DNAH10: variants seen among roughly 807,000 people sequenced by gnomAD.
The protein encoded by DNAH10 is dynein axonemal heavy chain 10, also known as axonemal beta dynein heavy chain 10.
In DNAH10, 348 loss-of-function variants were observed where a neutral mutation model predicts 506.6. The ratio of observed to expected loss-of-function variants is 0.69; its 90% CI spans 0.63 to 0.75. DNAH10 has a LOEUF of 0.75. DNAH10 is among the 30% of genes least tolerant of loss of function. The pLI is 0.00. For synonymous variants in DNAH10, 2,059 were observed against 2,198.6 expected (o/e 0.94, Z 1.78); for missense variants, 5,179 against 5,787.1 (o/e 0.89, Z 3.41).
At chr12:123,908,132 CCTGTCTCT>C (rs1472224381) in intron 57 of DNAH10, among the ~76,000 whole-genome samples, 1 of 146,662 alleles carries the variant, frequency 6.8e-6, no homozygotes. Flanking sequence ...CTGTCTCCTC[CCTGTCTCT>C]CTGTCTCCTC....
Position 123,887,751 on chromosome 12 carries a change from CT to C in DNAH10, c.8995+450del, listed in dbSNP as rs113859601. On this transcript the variant is annotated intron_variant, in intron 52 of 78. Coordinates refer to ENST00000673944, the MANE Select transcript of DNAH10 (RefSeq NM_001372106.1). ...CCCCGTCTTTACAAATTTTTTTTTT[CT>C]TTTTTTTTTTTAGATAGAGTCTCGT... Among the ~76,000 whole-genome samples, 375 of 142,978 alleles carry C rather than the reference CT, an allele frequency of 2.6e-3. 1 individual carries two copies. Among genetic ancestry groups the C allele is most frequent in the African/African-American group, 4.3e-3 (169 of 39,126 alleles). The allele number at this position is 142,978 out of a possible 152,430, so 93.8% of individuals were successfully genotyped here.
intron 37 of DNAH10, among the ~76,000 whole-genome samples, chr12:123,858,293 G>C (rs1951478093): frequency 6.6e-6 from 1 of 152,198 alleles, no homozygotes; most frequent in African/African-American, 2.4e-5. Context: ...CCTGCTGAGA[G>C]TGTAAATGCC....
intron 53 of DNAH10, among the ~76,000 whole-genome samples, chr12:123,894,204 C>T (rs1050148405): frequency 4.0e-5 from 6 of 151,156 alleles, no homozygotes; most frequent in Non-Finnish European, 8.8e-5. Context: ...GAGCCTCTCA[C>T]CTCAGCCTCC....
chr12:123,783,200 G>T lies in DNAH10; in HGVS notation c.935G>T (p.Cys312Phe). ...DPETVDILEQ[C>F]VINWLNQIST... ...GAAACCGTTGACATCTTGGAGCAGT[G>T]TGTGATAAACTGGCTGAATCAGATA... The change falls in exon 7 of 79, where the codon TGT becomes TTT. Residue 312 changes from cysteine (C) to phenylalanine (F), a missense_variant. Around this residue, in one of 3 missense-constraint regions of DNAH10, gnomAD observed 4,844 missense variants for 5,430.5 expected, o/e 0.89. Transcript: ENST00000673944. 6.2e-7 allele frequency: 1 copy of T among 1,614,220 alleles called. No individual in the cohort carries two copies. Among genetic ancestry groups the T allele is most frequent in the Non-Finnish European group, 8.5e-7 (1 of 1,180,042 alleles).
rs747591803 is a variant in DNAH10 at position 123,781,302 on chromosome 12, A to G, written c.841+3A>G. ...AAGAACCATGCAGCAACTTGAAGGT[A>G]AGGTTTCATTTTCCTCCTTTTTAGT... On this transcript the variant is annotated splice_donor_region_variant and intron_variant, in intron 6 of 78. Coordinates refer to ENST00000673944, the MANE Select transcript of DNAH10 (RefSeq NM_001372106.1). 9.3e-6 allele frequency: 15 copies of G among 1,608,050 alleles called. No homozygotes were observed. In the African/African-American group the frequency reaches 1.5e-4, roughly 16 times the overall value.
chr12:123,862,392 CTTCTT>C (rs1566010302), intron 39 of DNAH10, among the ~76,000 whole-genome samples: 1 of 151,880 alleles, frequency 6.6e-6, no homozygotes, highest in Non-Finnish European at 1.5e-5. Context: ...GTTCTTCTTT[CTTCTT>C]TTCTTTTTTT....
chr12:123,825,566 C>T (rs146780533), intron 24 of DNAH10, among the ~76,000 whole-genome samples: 203 of 152,212 alleles, frequency 1.3e-3, no homozygotes, highest in African/African-American at 4.6e-3. Flanking sequence ...TTGTATTATT[C>T]CATTCATAAA....
At chr12:123,878,991 A>T (rs977112490) in intron 48 of DNAH10, among the ~76,000 whole-genome samples, 1 of 152,198 alleles carries the variant, frequency 6.6e-6, no homozygotes, top group Non-Finnish European at 1.5e-5. Context: ...GATGTCAGGT[A>T]CTTATTTTAC....
intron 39 of DNAH10, 71 bp downstream of exon 39, chr12:123,861,241 G>A (rs1028466776): frequency 1.3e-6 from 2 of 1,544,934 alleles, no homozygotes; most frequent in Non-Finnish European, 1.8e-6. Context: ...AAAAACGGTG[G>A]CAGGACTATA....
rs201458422 is a variant in DNAH10, at chr12:123,929,299, C to A, written c.12331C>A (p.Leu4111Met). 65 of 1,600,522 alleles carry A rather than the reference C, an allele frequency of 4.1e-5. No homozygotes were observed. The African/African-American group carries it at 8.3e-4, about 20-fold the overall frequency. ...GGTTGTCACCGAGCCACCCAATGGGCTGAAACTCAACATGAGGGCAACTTA... is the reference window on the plus strand; with the variant it reads ...GGTTGTCACCGAGCCACCCAATGGGATGAAACTCAACATGAGGGCAACTTA... ...LKVVTEPPNG[L>M]KLNMRATYFK... Residue 4111 changes from leucine to methionine, a missense_variant, in exon 71 of 79, where the codon CTG becomes ATG. Around this residue, in one of 3 missense-constraint regions of DNAH10, gnomAD observed 4,844 missense variants for 5,430.5 expected, o/e 0.89. Coordinates refer to ENST00000673944, the MANE Select transcript of DNAH10 (RefSeq NM_001372106.1).
intron 65 of DNAH10, 55 bp from the exon 66 acceptor site, chr12:123,923,708 A>T: frequency 7.7e-7 from 1 of 1,304,548 alleles, no homozygotes; most frequent in Non-Finnish European, 1.1e-6. Flanking sequence ...TAAGAAACTC[A>T]GTTTTTTAAA....
chr12:123,880,624 C>A (rs897436829), intron 50 of DNAH10, among the ~76,000 whole-genome samples: 3 of 151,548 alleles, frequency 2.0e-5, no homozygotes, highest in Non-Finnish European at 4.4e-5. Flanking sequence ...GGATTATAGG[C>A]ATGAGCCACT....
At chr12:123,819,700 G>GTTTTTTTTTT (rs768231077) in intron 23 of DNAH10, among the ~76,000 whole-genome samples, 1 of 101,842 alleles carries the variant, frequency 9.8e-6, no homozygotes, top group African/African-American at 4.0e-5. Flanking sequence ...CTAAAATTCT[G>GTTTTTTTTTT]TTTTTTTTTT....
At position 123,774,223 on chromosome 12, in the gene DNAH10, A is replaced by T; in HGVS notation, c.580A>T (p.Asn194Tyr). 3.1e-6 allele frequency: 5 copies of T among 1,610,090 alleles called. No homozygotes were observed. Among genetic ancestry groups the T allele is most frequent in the African/African-American group, 1.3e-5 (1 of 74,866 alleles). Residue 194 changes from asparagine (N) to tyrosine (Y), a missense_variant, in exon 5 of 79, where the codon AAC (asparagine) becomes TAC (tyrosine). This residue lies in a region of DNAH10 where 326 missense variants were observed against 330.8 expected (regional missense o/e 0.99). Transcript: ENST00000673944. ...AGAAACACTGGAGTATGGAATTATA[A>T]ACGCTAATGTGCTCCATTTTCTGAA... ...MPETLEYGII[N>Y]ANVLHFLKNI...
intron 72 of DNAH10, 63 bp downstream of exon 72, chr12:123,929,822 C>T (rs1955124070): frequency 6.1e-6 from 9 of 1,470,266 alleles, no homozygotes; most frequent in Non-Finnish European, 8.4e-6. Context: ...GGCCTCGTGC[C>T]CCTATTTTCC....
At position 123,875,240 on chromosome 12, in the gene DNAH10, T is replaced by C. The variant is rs775431941; in HGVS notation, c.7948T>C (p.Tyr2650His). The change falls in exon 47 of 79, where the codon TAT becomes CAT. Residue 2650 changes from tyrosine (Y) to histidine (H), a missense_variant. Tyr to His is a moderately conservative substitution (Grantham distance 83, BLOSUM62 2). Around this residue, in one of 3 missense-constraint regions of DNAH10, gnomAD observed 4,844 missense variants for 5,430.5 expected, o/e 0.89. Coordinates refer to ENST00000673944, the MANE Select transcript of DNAH10 (RefSeq NM_001372106.1). The part of the protein sequence containing the change: ...DDMNMPRVDE[Y>H]GTQQPIALLK... ...TTTAAAAAAAATCAAGGTGGATGAA[T>C]ATGGCACGCAGCAGCCCATTGCCTT... 1.9e-6 allele frequency: 3 copies of C among 1,609,742 alleles called. No individual in the cohort carries two copies. The Admixed American group carries it at 5.1e-5, about 27-fold the overall frequency.
chr12:123,861,737 T>C (rs1028308105), intron 39 of DNAH10, among the ~76,000 whole-genome samples: 1 of 152,232 alleles, frequency 6.6e-6, no homozygotes, highest in Admixed American at 6.5e-5. Flanking sequence ...CTATAATATC[T>C]CTTTGCTAAA....
intron 47 of DNAH10, among the ~76,000 whole-genome samples, chr12:123,876,359 GC>G (rs1326278338): frequency 6.6e-6 from 1 of 152,210 alleles, no homozygotes; most frequent in Non-Finnish European, 1.5e-5. Context: ...CAGGCCCGGT[GC>G]AGTGGCTCAC....
chr12:123,773,779 T>C (rs1214329976), intron 4 of DNAH10, among the ~76,000 whole-genome samples: 2 of 152,202 alleles, frequency 1.3e-5, no homozygotes, highest in Non-Finnish European at 2.9e-5. Context: ...ACCTTGGGGA[T>C]TTAAGCTTCA....
Sources: gnomAD v4.1 joint callset for allele counts (sites outside exome capture counted in the v4.1 genomes callset) on GRCh38, gnomAD v4.1.1 for gene constraint, gnomAD v4.1.1 regional missense constraint, MANE v1.5 for transcripts, NCBI Gene and HGNC (gene_info 2026-07-23, HGNC 2026-07-21) for gene names.